Variants in N4BP2L2 observed in about 807,000 individuals in gnomAD.
The protein encoded by N4BP2L2 is NEDD4-binding protein 2-like 2.
N4BP2L2 carries 50 observed loss-of-function variants against 56.2 expected under a neutral mutation model. The ratio of observed to expected loss-of-function variants is 0.89; its 90% CI spans 0.71 to 1.13. The LOEUF (loss-of-function observed/expected upper bound fraction) is 1.13. N4BP2L2 is among the 50% of genes most tolerant of loss of function. The pLI, the probability that N4BP2L2 is intolerant of heterozygous loss-of-function variation, is 0.00. For synonymous variants in N4BP2L2, 203 were observed against 223.6 expected (o/e 0.91, Z 0.82); for missense variants, 689 against 693.8 (o/e 0.99, Z 0.08).
Position 32,536,194 on chromosome 13 carries a change from A to T in N4BP2L2, c.834T>A (p.Tyr278Ter), listed in dbSNP as rs1486675244. The stretch of plus-strand genomic sequence containing the variant: ...AGTTCAAACTGGGAAGAGGGGGACC[A>T]TAGGGCACTATAAAAGGATATACTG... The change falls in exon 2 of 6, where the codon TAT becomes TAA. Residue 278 changes from tyrosine (Y) to a stop codon, truncating the protein, a stop_gained. Transcript: ENST00000267068. LOFTEE classifies it high-confidence loss of function. 1 of 1,613,666 alleles carries T rather than the reference A, an allele frequency of 6.2e-7. No individual in the cohort carries two copies.
chr13:32,477,612 G>A (rs897194368), intron 6 of N4BP2L2: 2 of 313,230 alleles, frequency 6.4e-6, no homozygotes, highest in African/African-American at 4.3e-5. Flanking sequence ...GCCTAATCTG[G>A]ATGGAGAGAC....
At chr13:32,444,034 C>G (rs753859124) in exon 7 of N4BP2L2, 8 of 1,606,334 alleles carry the variant, frequency 5.0e-6, no homozygotes, top group South Asian at 3.4e-5. Context: ...CTCCATGATT[C>G]TATTCTGACT....
intron 5 of N4BP2L2, 49 bp downstream of exon 5, chr13:32,521,324 A>G (rs2050839980): frequency 7.3e-7 from 1 of 1,366,460 alleles, no homozygotes; most frequent in East Asian, 2.3e-5. Context: ...CAGAATTCAC[A>G]AAAGAAAGAA....
chr13:32,448,707 C>T (rs892355630), intron 6 of N4BP2L2, among the ~76,000 whole-genome samples: 1 of 151,978 alleles, frequency 6.6e-6, no homozygotes, highest in Non-Finnish European at 1.5e-5. Context: ...AGTGATAACC[C>T]TCATGAAAAA....
chr13:32,503,462 G>T (rs1250955123), intron 6 of N4BP2L2, among the ~76,000 whole-genome samples: 1 of 152,126 alleles, frequency 6.6e-6, no homozygotes, highest in Non-Finnish European at 1.5e-5. Context: ...TTCTACAGAA[G>T]AGCCATTGGG....
chr13:32,503,693 C>A (rs530693174), intron 6 of N4BP2L2, among the ~76,000 whole-genome samples: 2 of 152,290 alleles, frequency 1.3e-5, no homozygotes, highest in East Asian at 3.9e-4. Flanking sequence ...TTTTTCACTT[C>A]AAATAGTCAA....
intron 6 of N4BP2L2, among the ~76,000 whole-genome samples, chr13:32,462,654 GA>G (rs2080347648): frequency 6.6e-6 from 1 of 152,028 alleles, no homozygotes; most frequent in African/African-American, 2.4e-5. Context: ...TACTTAAGGT[GA>G]TGGATACCCT....
intron 6 of N4BP2L2, among the ~76,000 whole-genome samples, chr13:32,484,372 A>C (rs1271729440): frequency 6.6e-6 from 1 of 152,204 alleles, no homozygotes; most frequent in Non-Finnish European, 1.5e-5. Flanking sequence ...GAAAAACAGT[A>C]TCATGTGCTA....
chr13:32,532,085 G>A (rs1423931550), intron 2 of N4BP2L2, among the ~76,000 whole-genome samples: 1 of 152,118 alleles, frequency 6.6e-6, no homozygotes, highest in East Asian at 1.9e-4. Flanking sequence ...AGTTATCCAG[G>A]ACAGCCTCCC....
chr13:32,478,164 C>A, intron 6 of N4BP2L2: 1 of 778,210 alleles, frequency 1.3e-6, no homozygotes, highest in African/African-American at 1.8e-5. Flanking sequence ...CAACGAAGAA[C>A]TTGGGCAGGT....
intron 6 of N4BP2L2, among the ~76,000 whole-genome samples, chr13:32,497,927 A>C (rs78165572): frequency 2.0e-5 from 3 of 152,172 alleles, no homozygotes; most frequent in African/African-American, 7.2e-5. Flanking sequence ...CTACTGATCC[A>C]CAAGTACAGA....
In N4BP2L2 at chr13:32,538,073, G is replaced by GC. The variant is rs1360220559; in HGVS notation, c.-1+544_-1+545insG. Reference sequence around the variant, plus strand: ...GCGACAGAGGGAGACCCCGTCTTGGGGGGGGGGGGCGGTTACTTCCCCTGA... The same window carrying GC: ...GCGACAGAGGGAGACCCCGTCTTGGGCGGGGGGGGGCGGTTACTTCCCCTGA... On this transcript the variant is annotated intron_variant, in intron 1 of 5. Transcript: ENST00000267068. Among the ~76,000 whole-genome samples, 4 of 136,252 alleles carry GC rather than the reference G, an allele frequency of 2.9e-5. 1 individual carries two copies. The highest frequency in any genetic ancestry group is 2.4e-4 in the East Asian group (1 of 4,094). 89.4% of individuals were successfully genotyped at this position (136,252 alleles called of 152,430 possible). A position where few individuals can be genotyped will look rare whatever the true frequency, so the allele number is the denominator to read the frequency against.
At chr13:32,502,127 G>A (rs1387556719) in intron 6 of N4BP2L2, among the ~76,000 whole-genome samples, 3 of 147,214 alleles carry the variant, frequency 2.0e-5, no homozygotes, top group Non-Finnish European at 4.4e-5. Flanking sequence ...ACAGTGGCAC[G>A]ATCTCGGCTC....
At chr13:32,482,762 G>C (rs1388217343) in intron 6 of N4BP2L2, among the ~76,000 whole-genome samples, 1 of 152,150 alleles carries the variant, frequency 6.6e-6, no homozygotes, top group East Asian at 1.9e-4. Context: ...TAACAGGAAA[G>C]ATTACAAAAC....
At chr13:32,537,666 G>C (rs543699706) in intron 1 of N4BP2L2, among the ~76,000 whole-genome samples, 1 of 152,230 alleles carries the variant, frequency 6.6e-6, no homozygotes, top group African/African-American at 2.4e-5. Flanking sequence ...GGGGGGAAGA[G>C]ATAACTTAAG....
intron 6 of N4BP2L2, among the ~76,000 whole-genome samples, chr13:32,471,689 G>C (rs200067128): frequency 6.6e-6 from 1 of 152,266 alleles, no homozygotes; most frequent in Non-Finnish European, 1.5e-5. Flanking sequence ...TGCAGAGCTG[G>C]AGCTGACAGC....
At chr13:32,465,647 A>T (rs1238727118) in intron 6 of N4BP2L2, among the ~76,000 whole-genome samples, 1 of 152,170 alleles carries the variant, frequency 6.6e-6, no homozygotes, top group Non-Finnish European at 1.5e-5. Context: ...GAAAATGCAT[A>T]TTTATTTTAG....
intron 6 of N4BP2L2, among the ~76,000 whole-genome samples, chr13:32,501,372 CGAGA>C (rs560264482): frequency 1.3e-4 from 19 of 151,754 alleles, no homozygotes; most frequent in South Asian, 6.3e-4. Context: ...CCATGAAAAC[CGAGA>C]GAGAGGAGAA....
chr13:32,517,701 C>A lies in N4BP2L2; in HGVS notation c.*101G>T, dbSNP rs371436062. ...CTTGCTGGGAACATCCTTTGTGAGG[C>A]ACTGTAGCCTTTTTTTATTTGAAAC... is the stretch of plus-strand genomic sequence containing the variant. On this transcript the variant is annotated 3_prime_UTR_variant, in exon 6 of 6. Coordinates refer to ENST00000267068, the Ensembl canonical transcript of N4BP2L2. 4.1e-6 allele frequency: 6 copies of A among 1,458,040 alleles called. No individual in the cohort carries two copies. The African/African-American group carries it at 8.5e-5, about 21-fold the overall frequency. The allele number at this position is 1,458,040 out of a possible 1,614,324, so 90.3% of individuals were successfully genotyped here.
Sources: gnomAD v4.1 joint callset for allele counts (sites outside exome capture counted in the v4.1 genomes callset) on GRCh38, gnomAD v4.1.1 for gene constraint, MANE v1.5 for transcripts, NCBI Gene and HGNC (gene_info 2026-07-23, HGNC 2026-07-21) for gene names.